The following UBAP1 variants were observed in gnomAD, a reference collection of about 807,000 sequenced individuals.
UBAP1 encodes ubiquitin associated protein 1.
A neutral mutation model predicts 39.0 loss-of-function variants in UBAP1; 5 were observed. The observed-to-expected ratio is 0.13, with a 90% CI of 0.07 to 0.27. The LOEUF (loss-of-function observed/expected upper bound fraction) is 0.27. Among genes scored for constraint, UBAP1 ranks in the 10% least tolerant of loss-of-function variants. The probability of loss-of-function intolerance (pLI) is 1.00; values close to 1 mark genes in which losing one functional copy is unlikely to be tolerated. For synonymous variants in UBAP1, 211 were observed against 225.1 expected (o/e 0.94, Z 0.56); for missense variants, 490 against 608.1 (o/e 0.81, Z 2.04).
chr9:34,217,866 C>G (rs191240202), intron 1 of UBAP1, among the ~76,000 whole-genome samples: 1 of 128,916 alleles, frequency 7.8e-6, no homozygotes, highest in African/African-American at 2.9e-5. Context: ...GGCACCATCT[C>G]GGCTCACTGC....
intron 1 of UBAP1, among the ~76,000 whole-genome samples, chr9:34,202,875 A>G (rs1217519992): frequency 6.6e-6 from 1 of 152,058 alleles, no homozygotes; most frequent in Non-Finnish European, 1.5e-5. Context: ...ATAGAAAATG[A>G]ACTTATTCCT....
intron 1 of UBAP1, among the ~76,000 whole-genome samples, chr9:34,182,774 G>A (rs970839754): frequency 6.7e-6 from 1 of 148,646 alleles, no homozygotes; most frequent in East Asian, 2.0e-4. Context: ...ACAGTGGCTC[G>A]ATCTCTGCTC....
At chr9:34,193,925 A>G (rs535957098) in intron 1 of UBAP1, among the ~76,000 whole-genome samples, 2 of 152,222 alleles carry the variant, frequency 1.3e-5, no homozygotes, top group South Asian at 2.1e-4. Flanking sequence ...AGGTGGGGAA[A>G]GATTATAGTC....
At chr9:34,241,109 G>C in intron 3 of UBAP1, 76 bp from the exon 4 acceptor site, 22 of 1,074,394 alleles carry the variant, frequency 2.0e-5, no homozygotes, top group Non-Finnish European at 2.8e-5. Flanking sequence ...CCAGGAGTGA[G>C]GAAGGAGTGA....
chr9:34,202,925 T>G (rs2131539511), intron 1 of UBAP1, among the ~76,000 whole-genome samples: 1 of 152,270 alleles, frequency 6.6e-6, no homozygotes, highest in East Asian at 1.9e-4. Flanking sequence ...ATTTTTTTAT[T>G]GTGTTTTCCT....
intron 2 of UBAP1, among the ~76,000 whole-genome samples, chr9:34,224,889 T>A (rs953151929): frequency 1.3e-5 from 2 of 152,218 alleles, no homozygotes; most frequent in Non-Finnish European, 2.9e-5. Flanking sequence ...GTGTCTGTGA[T>A]CCATTATTAT....
At position 34,196,938 on chromosome 9, in the gene UBAP1, T is replaced by TGTG. The variant is rs1393315839; in HGVS notation, c.-8+17698_-8+17699insGTG. On this transcript the variant is annotated intron_variant, in intron 1 of 6. Transcript: ENST00000297661. ...TGTGTGTGTGTGTGTGTGTGTGTGT[T>TGTG]TTTAATTGAGATGGAGTCTCACTCT... 1.4e-4 allele frequency among the ~76,000 whole-genome samples: 13 copies of TGTG among 93,130 alleles called. No homozygotes were observed. In the East Asian group the frequency reaches 1.7e-3, roughly 12 times the overall value. The allele number at this position is 93,130 out of a possible 152,430, so 61.1% of individuals were successfully genotyped here.
chr9:34,197,133 G>A (rs1831113963), intron 1 of UBAP1, among the ~76,000 whole-genome samples: 1 of 151,922 alleles, frequency 6.6e-6, no homozygotes, highest in Non-Finnish European at 1.5e-5. Context: ...TCACTATGTT[G>A]GCCAGGCTGG....
intron 1 of UBAP1, among the ~76,000 whole-genome samples, chr9:34,199,556 C>T (rs940352933): frequency 6.6e-6 from 1 of 152,106 alleles, no homozygotes; most frequent in Non-Finnish European, 1.5e-5. Context: ...AACTGAAAAA[C>T]CTACCTTGGT....
chr9:34,200,743 C>G (rs140593253), intron 1 of UBAP1, among the ~76,000 whole-genome samples: 15 of 152,206 alleles, frequency 9.9e-5, no homozygotes, highest in Non-Finnish European at 1.6e-4. Flanking sequence ...TGTTTCTGTC[C>G]TATCCTATCC....
chr9:34,231,535 T>TC, intron 2 of UBAP1, among the ~76,000 whole-genome samples: 1 of 151,288 alleles, frequency 6.6e-6, no homozygotes, highest in Non-Finnish European at 1.5e-5. Context: ...TATTGGTTCT[T>TC]CATTCATTGA....
intron 4 of UBAP1, 120 bp from the exon 5 acceptor site, chr9:34,249,659 C>A: frequency 1.0e-6 from 1 of 959,510 alleles, no homozygotes; most frequent in Non-Finnish European, 1.6e-6. Context: ...TTCTTCCAAC[C>A]TGACCGCTTT....
intron 1 of UBAP1, among the ~76,000 whole-genome samples, chr9:34,187,187 C>A (rs887242812): frequency 6.6e-6 from 1 of 152,198 alleles, no homozygotes; most frequent in Non-Finnish European, 1.5e-5. Flanking sequence ...GGATTACAGG[C>A]GTGAGCCACT....
chr9:34,240,031 G>T (rs1223878779), intron 3 of UBAP1, among the ~76,000 whole-genome samples: 1 of 152,080 alleles, frequency 6.6e-6, no homozygotes, highest in Non-Finnish European at 1.5e-5. Flanking sequence ...AAACTTCAAA[G>T]AACAATGTTT....
In UBAP1 at chr9:34,216,838, G is replaced by A. The variant is rs139921994; in HGVS notation, c.-7-4070G>A. 2.1e-3 allele frequency among the ~76,000 whole-genome samples: 315 copies of A among 151,250 alleles called. 1 individual carries two copies. Among genetic ancestry groups the A allele is most frequent in the African/African-American group, 7.2e-3 (297 of 41,228 alleles). On this transcript the variant is annotated intron_variant, in intron 1 of 6. Coordinates refer to ENST00000297661, the MANE Select transcript of UBAP1 (RefSeq NM_016525.5). The stretch of plus-strand genomic sequence containing the variant: ...ATGTTTGTATGTTTAGTAGAGATGG[G>A]GTTTGGCCATATTACCCAGGGTGGT...
chr9:34,197,904 A>G (rs1351683442), intron 1 of UBAP1, among the ~76,000 whole-genome samples: 2 of 152,158 alleles, frequency 1.3e-5, no homozygotes, highest in African/African-American at 4.8e-5. Flanking sequence ...GCATTTGAGG[A>G]AGTAGTCACT....
intron 3 of UBAP1, among the ~76,000 whole-genome samples, chr9:34,240,948 A>G (rs1017177855): frequency 1.3e-5 from 2 of 152,214 alleles, no homozygotes; most frequent in African/African-American, 4.8e-5. Flanking sequence ...ATAGAGATCC[A>G]AGGAGGGTCT....
chr9:34,190,420 G>T (rs1246181041), intron 1 of UBAP1, among the ~76,000 whole-genome samples: 1 of 152,054 alleles, frequency 6.6e-6, no homozygotes, highest in Non-Finnish European at 1.5e-5. Context: ...CTCCTGAGTA[G>T]CTGGGATTAC....
At chr9:34,182,371 G>C (rs1043041845) in intron 1 of UBAP1, among the ~76,000 whole-genome samples, 1 of 151,504 alleles carries the variant, frequency 6.6e-6, no homozygotes, top group Non-Finnish European at 1.5e-5. Context: ...TTTTAGTAGC[G>C]ACGGGGTTTC....
Sources: allele counts gnomAD v4.1 joint callset (sites outside exome capture counted in the v4.1 genomes callset), GRCh38; gene constraint gnomAD v4.1.1; transcripts MANE v1.5; gene names NCBI Gene and HGNC (gene_info 2026-07-23, HGNC 2026-07-21).